ZNF827: variants seen among roughly 807,000 people sequenced by gnomAD.
ZNF827 encodes zinc finger protein 827.
ZNF827 carries 13 observed loss-of-function variants against 102.4 expected under a neutral mutation model. The observed-to-expected ratio is 0.13, with a 90% CI of 0.08 to 0.20. The LOEUF (loss-of-function observed/expected upper bound fraction) is 0.20, where lower values mean the gene tolerates loss of function less well. Among genes scored for constraint, ZNF827 ranks in the 10% least tolerant of loss-of-function variants. The probability of loss-of-function intolerance (pLI) is 1.00; values close to 1 mark genes in which losing one functional copy is unlikely to be tolerated. For missense variants in ZNF827, 1,103 were observed against 1,344.4 expected (o/e 0.82, Z 2.81); for synonymous variants, 523 against 536.2 (o/e 0.98, Z 0.34).
chr4:145,857,857 C>T (rs950360817), intron 5 of ZNF827, among the ~76,000 whole-genome samples: 2 of 151,814 alleles, frequency 1.3e-5, no homozygotes, highest in East Asian at 3.9e-4. Flanking sequence ...TATATATATG[C>T]CATTTGGTAA....
chr4:145,780,220 CAAAA>C (rs1406392523), intron 8 of ZNF827, among the ~76,000 whole-genome samples: 1 of 123,350 alleles, frequency 8.1e-6, no homozygotes, highest in Non-Finnish European at 1.8e-5. Flanking sequence ...AACAAACAAA[CAAAA>C]AAGAATTGTA....
At chr4:145,889,836 G>GCC (rs1417648468) in intron 3 of ZNF827, among the ~76,000 whole-genome samples, 1 of 152,050 alleles carries the variant, frequency 6.6e-6, no homozygotes, top group Admixed American at 6.5e-5. Context: ...AATTAGCCAG[G>GCC]CGTGGTGGCG....
At chr4:145,819,637 A>C (rs554715325) in intron 8 of ZNF827, among the ~76,000 whole-genome samples, 3 of 152,218 alleles carry the variant, frequency 2.0e-5, no homozygotes, top group Non-Finnish European at 4.4e-5. Context: ...ATGATAGGAA[A>C]GCTCTTTTAT....
At chr4:145,914,112 C>T (rs1399068043) in intron 1 of ZNF827, among the ~76,000 whole-genome samples, 1 of 151,318 alleles carries the variant, frequency 6.6e-6, no homozygotes, top group African/African-American at 2.4e-5. Flanking sequence ...GCATGATGTA[C>T]CTTGTAATAA....
chr4:145,823,632 T>C, intron 7 of ZNF827, 107 bp from the exon 8 acceptor site: 1 of 738,480 alleles, frequency 1.4e-6, no homozygotes, highest in Non-Finnish European at 2.3e-6. Context: ...AAGGTGTTGC[T>C]GTTTGCAACG....
chr4:145,812,917 G>A (rs1742181842), intron 8 of ZNF827, among the ~76,000 whole-genome samples: 1 of 152,040 alleles, frequency 6.6e-6, no homozygotes, highest in African/African-American at 2.4e-5. Context: ...CATTACCCAC[G>A]GTCAACTGCG....
chr4:145,879,055 T>C (rs1749442974), intron 4 of ZNF827, among the ~76,000 whole-genome samples: 1 of 152,118 alleles, frequency 6.6e-6, no homozygotes, highest in South Asian at 2.1e-4. Context: ...AATGATGCCA[T>C]GGTTTGAAGC....
chr4:145,789,623 A>G (rs1427198685), intron 8 of ZNF827, among the ~76,000 whole-genome samples: 1 of 152,222 alleles, frequency 6.6e-6, no homozygotes, highest in Non-Finnish European at 1.5e-5. Flanking sequence ...CTAGCTGGTA[A>G]GTGATAGCCT....
chr4:145,764,920 CG>C (rs1560887303), intron 13 of ZNF827, 67 bp downstream of exon 13: 1 of 1,603,828 alleles, frequency 6.2e-7, no homozygotes, highest in Non-Finnish European at 8.5e-7. Context: ...CGGGAAGGGA[CG>C]GGGTAGGGAA....
At chr4:145,914,693 T>C (rs1157957870) in intron 1 of ZNF827, among the ~76,000 whole-genome samples, 1 of 152,242 alleles carries the variant, frequency 6.6e-6, no homozygotes, top group African/African-American at 2.4e-5. Flanking sequence ...AGGGCCAGGA[T>C]ACCCCACAGC....
chr4:145,863,956 G>T (rs1394188139), intron 5 of ZNF827, among the ~76,000 whole-genome samples: 1 of 152,124 alleles, frequency 6.6e-6, no homozygotes, highest in African/African-American at 2.4e-5. Flanking sequence ...CACTTTGGGA[G>T]GCTGAGGTGG....
chr4:145,779,534 C>T, intron 8 of ZNF827, 23 bp from the exon 9 acceptor site: 4 of 1,609,518 alleles, frequency 2.5e-6, no homozygotes, highest in Non-Finnish European at 2.5e-6. Flanking sequence ...AACAAAGCAT[C>T]ATGAGAAATA....
chr4:145,788,193 T>TA (rs1419473642), intron 8 of ZNF827, among the ~76,000 whole-genome samples: 4 of 152,168 alleles, frequency 2.6e-5, no homozygotes, highest in Non-Finnish European at 4.4e-5. Context: ...GGTAACAGCT[T>TA]AAAAAATACT....
At chr4:145,932,691 G>C (rs1007729258) in intron 1 of ZNF827, among the ~76,000 whole-genome samples, 2 of 152,100 alleles carry the variant, frequency 1.3e-5, no homozygotes, top group Non-Finnish European at 2.9e-5. Context: ...AGCCAGGATG[G>C]TCTCGATCTC....
chr4:145,924,963 G>C (rs932119982), intron 1 of ZNF827, among the ~76,000 whole-genome samples: 3 of 152,182 alleles, frequency 2.0e-5, no homozygotes, highest in Admixed American at 2.0e-4. Flanking sequence ...CCGAGACTGG[G>C]TAATTTATGA....
At chr4:145,934,951 T>TTA (rs930499211) in intron 1 of ZNF827, among the ~76,000 whole-genome samples, 1 of 152,220 alleles carries the variant, frequency 6.6e-6, no homozygotes, top group Non-Finnish European at 1.5e-5. Context: ...TTCTACAGAT[T>TTA]CTTAAAACAA....
At chr4:145,794,496 G>A (rs1021341139) in intron 8 of ZNF827, among the ~76,000 whole-genome samples, 1 of 152,118 alleles carries the variant, frequency 6.6e-6, no homozygotes, top group Non-Finnish European at 1.5e-5. Context: ...ATACCAGCCT[G>A]GGCAACATGG....
At chr4:145,910,148 A>T (rs1752175903) in intron 1 of ZNF827, among the ~76,000 whole-genome samples, 1 of 152,012 alleles carries the variant, frequency 6.6e-6, no homozygotes, top group Non-Finnish European at 1.5e-5. Context: ...ACACGGGGGG[A>T]GGGAGGGGCT....
chr4:145,847,243 G>A (rs558000395), intron 6 of ZNF827, among the ~76,000 whole-genome samples: 1 of 152,202 alleles, frequency 6.6e-6, no homozygotes, highest in African/African-American at 2.4e-5. Context: ...TGATTTGAAC[G>A]AGGCCTTGGT....
Sources: allele counts gnomAD v4.1 joint callset (sites outside exome capture counted in the v4.1 genomes callset), GRCh38; gene constraint gnomAD v4.1.1; transcripts MANE v1.5; gene names NCBI Gene and HGNC (gene_info 2026-07-23, HGNC 2026-07-21).